Variants in PLIN2 observed in about 807,000 individuals in gnomAD.
The protein encoded by PLIN2 is perilipin-2.
Under a neutral mutation model 30.6 loss-of-function variants are expected in PLIN2, and 33 were observed. That is an observed-to-expected ratio of 1.08 (90% CI 0.82 to 1.44). The LOEUF is 1.44. Ranked by LOEUF, PLIN2 falls within the 40% of genes most tolerant of loss-of-function variation. PLIN2 has a pLI of 0.00. For synonymous variants in PLIN2, 205 were observed against 201.1 expected (o/e 1.02, Z -0.16); for missense variants, 610 against 531.8 (o/e 1.15, Z -1.45).
In PLIN2 at chr9:19,116,456, C is replaced by G; in HGVS notation, c.1106G>C (p.Ser369Thr). Reference sequence around the variant, plus strand: ...CTGCCCCTTGCTAGAAGTGAGGAGGCTGTCAGACACTTCTTTAAAGGAGGC... The same window carrying G: ...CTGCCCCTTGCTAGAAGTGAGGAGGGTGTCAGACACTTCTTTAAAGGAGGC... ...NAASFKEVSD[S>T]LLTSSKGQLQ... Residue 369 changes from serine (S) to threonine (T), a missense_variant, in exon 8 of 8, where the codon AGC (serine) becomes ACC (threonine). By Grantham distance (58) the Ser-to-Thr change is moderately conservative. Coordinates refer to ENST00000276914, the MANE Select transcript of PLIN2 (RefSeq NM_001122.4). 6.2e-7 allele frequency: 1 copy of G among 1,614,096 alleles called. No individual in the cohort carries two copies. Among genetic ancestry groups the G allele is most frequent in the Non-Finnish European group, 8.5e-7 (1 of 1,179,960 alleles).
intron 2 of PLIN2, among the ~76,000 whole-genome samples, chr9:19,109,395 A>C (rs1818129921): frequency 6.6e-6 from 1 of 151,924 alleles, no homozygotes; most frequent in African/African-American, 2.4e-5. Flanking sequence ...TCTACTAAAA[A>C]TACAAAAAGT....
At chr9:19,120,336 T>C (rs910068770) in intron 5 of PLIN2, among the ~76,000 whole-genome samples, 5 of 152,118 alleles carry the variant, frequency 3.3e-5, no homozygotes, top group African/African-American at 9.7e-5. Flanking sequence ...TAGGCATGCA[T>C]GCACCATTGC....
intron 3 of PLIN2, among the ~76,000 whole-genome samples, chr9:19,123,855 C>T (rs952237114): frequency 2.0e-5 from 3 of 151,894 alleles, no homozygotes; most frequent in Non-Finnish European, 4.4e-5. Flanking sequence ...CCCGTCTCTA[C>T]TAAAAATACA....
At chr9:19,108,439 T>C (rs890658316) in exon 3 of PLIN2, 15 of 152,256 alleles carry the variant, frequency 9.9e-5, no homozygotes, top group African/African-American at 3.6e-4. Context: ...TAAATGATTA[T>C]ATGACACAGA....
chr9:19,114,039 A>G (rs1301068634), downstream of PLIN2, among the ~76,000 whole-genome samples: 1 of 151,906 alleles, frequency 6.6e-6, no homozygotes, highest in Non-Finnish European at 1.5e-5. Context: ...CAGCCTCCCA[A>G]TGTGCTGGGA....
intron 4 of PLIN2, among the ~76,000 whole-genome samples, chr9:19,121,563 T>C (rs548205300): frequency 6.6e-6 from 1 of 151,204 alleles, no homozygotes; most frequent in Admixed American, 6.6e-5. Flanking sequence ...TATAGCTTAT[T>C]CCAAAGTCAC....
chr9:19,123,619 C>T lies in PLIN2; in HGVS notation c.255G>A (p.Lys85=). The change falls in exon 4 of 8, where the codon AAG becomes AAA. Residue 85 remains lysine, a synonymous_variant. Transcript: ENST00000276914. ...GTCTCTCCTCAATCCTGTCTAGCCC[C>T]TTACAGGCATAGGTATTGGCAACTG... is the stretch of plus-strand genomic sequence containing the variant. ...QIAVANTYAC[K]GLDRIEERLP... 6.2e-7 allele frequency: 1 copy of T among 1,614,064 alleles called. No homozygotes were observed. Among genetic ancestry groups the T allele is most frequent in the Non-Finnish European group, 8.5e-7 (1 of 1,179,946 alleles).
rs112303527 is a variant in PLIN2, at chr9:19,119,950, A to G, written c.596-119T>C. On this transcript the variant is annotated intron_variant, in intron 5 of 7. Transcript: ENST00000276914. ...CTACCCAATCACTTAGCAATCATGC[A>G]GTCATTTTTCCAAGACTGCTCACGT... 1,974 of 655,986 alleles carry G rather than the reference A, an allele frequency of 3.0e-3. 12 individuals are homozygous for G. The highest frequency in any genetic ancestry group is 0.014 in the South Asian group (672 of 47,680). The allele number at this position is 655,986 out of a possible 1,614,324, so 40.6% of individuals were successfully genotyped here.
chr9:19,126,039 G>T, intron 3 of PLIN2, 75 bp downstream of exon 3: 2 of 1,275,252 alleles, frequency 1.6e-6, no homozygotes, highest in Non-Finnish European at 2.2e-6. Flanking sequence ...AGGAGTTCCA[G>T]ATGTTACTGC....
intron 4 of PLIN2, 122 bp downstream of exon 4, chr9:19,123,443 C>A: frequency 6.4e-7 from 1 of 1,560,796 alleles, no homozygotes; most frequent in African/African-American, 1.4e-5. Flanking sequence ...TTCAAACATA[C>A]ATCCAGATCC....
chr9:19,117,049 G>C lies in PLIN2; in HGVS notation c.913-400C>G, dbSNP rs557748507. 4.7e-4 allele frequency among the ~76,000 whole-genome samples: 71 copies of C among 152,268 alleles called. 1 individual carries two copies. Among genetic ancestry groups the C allele is most frequent in the African/African-American group, 1.6e-3 (68 of 41,558 alleles). ...GAACAAACAGTTCATATTGACTTCA[G>C]AGCTTTTGGGACACAAAGAACCACT... On this transcript the variant is annotated intron_variant, in intron 7 of 7. Coordinates refer to ENST00000276914, the MANE Select transcript of PLIN2 (RefSeq NM_001122.4).
At chr9:19,114,701 G>T (rs115148279), downstream of PLIN2, among the ~76,000 whole-genome samples, 364 of 152,240 alleles carry the variant, frequency 2.4e-3, 1 homozygote, top group African/African-American at 8.5e-3. Context: ...ACAGCGCCTG[G>T]CCTATTTCAC....
At chr9:19,122,969 C>A (rs1232301681) in intron 4 of PLIN2, among the ~76,000 whole-genome samples, 1 of 152,146 alleles carries the variant, frequency 6.6e-6, no homozygotes, top group East Asian at 1.9e-4. Flanking sequence ...GGCAAAATCA[C>A]CTAATGTGCA....
At chr9:19,114,810 A>G (rs1441906557), downstream of PLIN2, among the ~76,000 whole-genome samples, 2 of 152,254 alleles carry the variant, frequency 1.3e-5, no homozygotes, top group South Asian at 2.1e-4. Flanking sequence ...TGAATGGACT[A>G]GAAGTCTGGA....
intron 7 of PLIN2, among the ~76,000 whole-genome samples, chr9:19,117,491 C>G (rs913458455): frequency 6.6e-6 from 1 of 151,958 alleles, no homozygotes; most frequent in Admixed American, 6.6e-5. Flanking sequence ...GAACCTTGGT[C>G]ACCTTATTGC....
Position 19,121,194 on chromosome 9 carries a change from T to A in PLIN2, c.310-29A>T, listed in dbSNP as rs112812280. 3.1e-6 allele frequency: 5 copies of A among 1,608,386 alleles called. No homozygotes were observed. In the African/African-American group the frequency reaches 6.7e-5, roughly 21 times the overall value. Reference sequence around the variant, plus strand: ...TAAGTAGAAAAGCAGATCCCCTGGCTGGTGAGAAAAATGAGCACAAGGACA... The same window carrying A: ...TAAGTAGAAAAGCAGATCCCCTGGCAGGTGAGAAAAATGAGCACAAGGACA... On this transcript the variant is annotated intron_variant, in intron 4 of 7. Transcript: ENST00000276914.
At position 19,115,915 on chromosome 9, in the gene PLIN2, A is replaced by G. The variant is rs763576632; in HGVS notation, c.*333T>C. ...CACACCAGAGCAGACACCAGTTTCT[A>G]CCCCAGCCCACATGAAGATGTTTTT... On this transcript the variant is annotated 3_prime_UTR_variant, in exon 8 of 8. Coordinates refer to ENST00000276914, the MANE Select transcript of PLIN2 (RefSeq NM_001122.4). 36 of 192,324 alleles carry G rather than the reference A, an allele frequency of 1.9e-4. No homozygotes were observed. The highest frequency in any genetic ancestry group is 1.5e-3 in the South Asian group (11 of 7,160). 11.9% of individuals were successfully genotyped at this position (192,324 alleles called of 1,614,324 possible). A position where few individuals can be genotyped will look rare whatever the true frequency, so the allele number is the denominator to read the frequency against.
rs1416383997 is a variant in PLIN2, at chr9:19,115,826, AAACT to A, written c.*418_*421del. 6.3e-6 allele frequency: 1 copy of A among 158,938 alleles called. No individual in the cohort carries two copies. The highest frequency in any genetic ancestry group is 1.4e-5 in the Non-Finnish European group (1 of 72,244). 9.8% of individuals were successfully genotyped at this position (158,938 alleles called of 1,614,324 possible). A position where few individuals can be genotyped will look rare whatever the true frequency, so the allele number is the denominator to read the frequency against. Reference sequence around the variant, plus strand: ...GTAGTATTCCTATTTGAGAAATGAAAAACTAAAATCAAGTTTTACAAGCAAGCAT... The same window carrying A: ...GTAGTATTCCTATTTGAGAAATGAAAAAAATCAAGTTTTACAAGCAAGCAT... On this transcript the variant is annotated 3_prime_UTR_variant, in exon 8 of 8. Coordinates refer to ENST00000276914, the MANE Select transcript of PLIN2 (RefSeq NM_001122.4).
chr9:19,123,264 T>C (rs1818346447), intron 4 of PLIN2: 16 of 1,182,238 alleles, frequency 1.4e-5, no homozygotes, highest in Non-Finnish European at 1.9e-5. Context: ...ATTTATTTAA[T>C]ACCACAAGAC....
Sources: gnomAD v4.1 joint callset for allele counts (sites outside exome capture counted in the v4.1 genomes callset) on GRCh38, gnomAD v4.1.1 for gene constraint, MANE v1.5 for transcripts, NCBI Gene and HGNC (gene_info 2026-07-23, HGNC 2026-07-21) for gene names.